Variants in SORCS2 observed in about 807,000 individuals in gnomAD.
SORCS2 encodes VPS10 domain-containing receptor SorCS2.
SORCS2 carries 100 observed loss-of-function variants against 141.6 expected under a neutral mutation model. The ratio of observed to expected loss-of-function variants is 0.71; its 90% CI spans 0.60 to 0.83. The LOEUF is 0.83. Among genes scored for constraint, SORCS2 ranks in the 40% least tolerant of loss-of-function variants. The pLI, the probability that SORCS2 is intolerant of heterozygous loss-of-function variation, is 0.00. For missense variants in SORCS2, 1,646 were observed against 1,560.2 expected, an observed-to-expected ratio of 1.05 and a Z score of -0.93; for synonymous variants, 789 against 676.9, an observed-to-expected ratio of 1.17 and a Z score of -2.57.
chr4:7,412,678 C>T (rs1725395915), intron 2 of SORCS2, among the ~76,000 whole-genome samples: 1 of 152,108 alleles, frequency 6.6e-6, no homozygotes, highest in Non-Finnish European at 1.5e-5. Flanking sequence ...ATCAGCCCCT[C>T]CCCACCCCTG....
chr4:7,730,032 C>A (rs749839318), intron 23 of SORCS2, among the ~76,000 whole-genome samples: 1 of 152,194 alleles, frequency 6.6e-6, no homozygotes, highest in Non-Finnish European at 1.5e-5. Flanking sequence ...GCCAGGAGCA[C>A]TGGGAAATGA....
chr4:7,491,211 A>G (rs1731296310), intron 2 of SORCS2, among the ~76,000 whole-genome samples: 1 of 152,002 alleles, frequency 6.6e-6, no homozygotes, highest in Admixed American at 6.6e-5. Context: ...AGGCCTTGGC[A>G]CATGCTGTTC....
intron 1 of SORCS2, among the ~76,000 whole-genome samples, chr4:7,372,465 C>A (rs923702268): frequency 6.6e-6 from 1 of 152,042 alleles, no homozygotes; most frequent in East Asian, 1.9e-4. Flanking sequence ...TGCTACCACG[C>A]CTGGCTAATT....
rs558790891 is a variant in SORCS2 at position 7,656,814 on chromosome 4, C to T, written c.887+2607C>T. 4.8e-4 allele frequency among the ~76,000 whole-genome samples: 73 copies of T among 152,326 alleles called. No individual in the cohort carries two copies. In the Middle Eastern group the frequency reaches 0.017, roughly 35 times the overall value. On this transcript the variant is annotated intron_variant, in intron 5 of 26. Transcript: ENST00000507866. ...TAGAAGGAAGAGGTGGAGGTCTCCCCACTACAGCCTTGATGATCACACCTT... is the reference window on the plus strand; with the variant it reads ...TAGAAGGAAGAGGTGGAGGTCTCCCTACTACAGCCTTGATGATCACACCTT...
Position 7,715,268 on chromosome 4 carries a change from C to G in SORCS2, c.2209C>G (p.Pro737Ala). The change falls in exon 17 of 27, where the codon CCT (proline) becomes GCT (alanine). Residue 737 changes from proline to alanine, a missense_variant. Coordinates refer to ENST00000507866, the MANE Select transcript of SORCS2 (RefSeq NM_020777.3). Reference protein sequence around the residue: ...ANFWFNPLSPPDDCALGQTYT... With the variant: ...ANFWFNPLSPADDCALGQTYT... ...CTTCTGGTTTAACCCATTGTCCCCG[C>G]CTGACGACTGTGCCCTGGGCCAGAC... 1 of 1,613,202 alleles carries G rather than the reference C, an allele frequency of 6.2e-7. No homozygotes were observed. The highest frequency in any genetic ancestry group is 8.5e-7 in the Non-Finnish European group (1 of 1,179,750).
intron 8 of SORCS2, among the ~76,000 whole-genome samples, chr4:7,669,434 C>T (rs1722674863): frequency 6.6e-6 from 1 of 152,126 alleles, no homozygotes; most frequent in Non-Finnish European, 1.5e-5. Flanking sequence ...TTCAATACCA[C>T]ATCTCATGTT....
At chr4:7,386,600 A>G (rs1256218500) in intron 1 of SORCS2, among the ~76,000 whole-genome samples, 2 of 148,800 alleles carry the variant, frequency 1.3e-5, no homozygotes, top group Non-Finnish European at 3.0e-5. Context: ...ATTTGCACAC[A>G]CGCACACATA....
chr4:7,440,936 G>C (rs1336001613), intron 2 of SORCS2, among the ~76,000 whole-genome samples: 1 of 152,214 alleles, frequency 6.6e-6, no homozygotes, highest in East Asian at 1.9e-4. Context: ...GCGGTGGAGA[G>C]ACAGACCATG....
At chr4:7,210,908 G>A (rs1018529385) in intron 1 of SORCS2, among the ~76,000 whole-genome samples, 1 of 152,144 alleles carries the variant, frequency 6.6e-6, no homozygotes, top group African/African-American at 2.4e-5. Flanking sequence ...CAGGCAGGGG[G>A]TAGTCAGCCA....
chr4:7,716,685 G>A (rs201680593), intron 17 of SORCS2, among the ~76,000 whole-genome samples: 14 of 151,284 alleles, frequency 9.3e-5, no homozygotes, highest in East Asian at 5.9e-4. Context: ...TTCATTCACC[G>A]TCCATCCATC....
chr4:7,410,936 T>A, intron 2 of SORCS2, among the ~76,000 whole-genome samples: 1 of 145,376 alleles, frequency 6.9e-6, no homozygotes, highest in African/African-American at 2.5e-5. Context: ...CCCAGCAGCC[T>A]CTTCTCTCCA....
At chr4:7,312,691 C>T (rs1020088013) in intron 1 of SORCS2, among the ~76,000 whole-genome samples, 14 of 152,152 alleles carry the variant, frequency 9.2e-5, no homozygotes, top group African/African-American at 3.4e-4. Context: ...TGGGGTTACC[C>T]TGCTGTGTGC....
At chr4:7,507,548 A>G (rs1456039877) in intron 2 of SORCS2, among the ~76,000 whole-genome samples, 1 of 152,236 alleles carries the variant, frequency 6.6e-6, no homozygotes, top group African/African-American at 2.4e-5. Context: ...TAGAAAAACC[A>G]AAGAAAGAGA....
At chr4:7,732,423 G>A (rs1006978574) in intron 23 of SORCS2, among the ~76,000 whole-genome samples, 10 of 152,154 alleles carry the variant, frequency 6.6e-5, no homozygotes, top group Non-Finnish European at 2.9e-5. Flanking sequence ...CCTCCTCTGC[G>A]CCGGGCACCT....
chr4:7,585,775 C>T (rs1716498277), intron 3 of SORCS2, among the ~76,000 whole-genome samples: 2 of 152,224 alleles, frequency 1.3e-5, no homozygotes, highest in Non-Finnish European at 2.9e-5. Flanking sequence ...TGGGAGGACG[C>T]ATGTGGGGGA....
chr4:7,556,661 TATCC>T (rs745799254), intron 3 of SORCS2, among the ~76,000 whole-genome samples: 1 of 151,728 alleles, frequency 6.6e-6, no homozygotes. Context: ...CCCATCCATC[TATCC>T]ATCCATCCAT....
chr4:7,469,260 A>AATGGTGGTGATGGTGATGGTG (rs1560310330), intron 2 of SORCS2, among the ~76,000 whole-genome samples: 1,823 of 151,450 alleles, frequency 0.012, 41 homozygotes, highest in African/African-American at 0.042. Flanking sequence ...AGGTGATGGT[A>AATGGTGGTGATGGTGATGGTG]ATGGTGGTGT....
intron 1 of SORCS2, among the ~76,000 whole-genome samples, chr4:7,237,898 ATG>A (rs894970610): frequency 6.6e-5 from 10 of 151,984 alleles, no homozygotes; most frequent in Non-Finnish European, 1.3e-4. Flanking sequence ...TCCATCTGAA[ATG>A]TGTGTGCCGT....
chr4:7,321,292 G>A (rs1336609012), intron 1 of SORCS2, among the ~76,000 whole-genome samples: 1 of 152,166 alleles, frequency 6.6e-6, no homozygotes. Context: ...TTTTATGGCT[G>A]AGTAGTATTC....
Sources: gnomAD v4.1 joint callset for allele counts (sites outside exome capture counted in the v4.1 genomes callset) on GRCh38, gnomAD v4.1.1 for gene constraint, MANE v1.5 for transcripts, NCBI Gene and HGNC (gene_info 2026-07-23, HGNC 2026-07-21) for gene names.